Variants in CLNK observed in about 807,000 individuals in gnomAD.
CLNK encodes the protein cytokine dependent hematopoietic cell linker, also known as cytokine-dependent hematopoietic cell linker.
Under a neutral mutation model 68.6 loss-of-function variants are expected in CLNK, and 74 were observed. The ratio of observed to expected loss-of-function variants is 1.08; its 90% confidence interval spans 0.89 to 1.31. CLNK has a LOEUF of 1.31. Among genes scored for constraint, CLNK ranks in the 50% most tolerant of loss-of-function variants. The pLI is 0.00. For synonymous variants in CLNK, 198 were observed against 172.2 expected, an observed-to-expected ratio of 1.15 and a Z score of -1.17; for missense variants, 553 against 515.3, an observed-to-expected ratio of 1.07 and a Z score of -0.71.
At chr4:10,671,564 C>T (rs527345689) in intron 1 of CLNK, among the ~76,000 whole-genome samples, 45 of 152,248 alleles carry the variant, frequency 3.0e-4, no homozygotes, top group African/African-American at 1.0e-3. Context: ...TCTTAGCCAT[C>T]GTGCAAAGGA....
chr4:10,608,078 A>C (rs1721855825), intron 2 of CLNK, among the ~76,000 whole-genome samples: 1 of 152,218 alleles, frequency 6.6e-6, no homozygotes, highest in Non-Finnish European at 1.5e-5. Context: ...ATGTAACATG[A>C]CATGAGAACT....
chr4:10,523,619 C>T (rs75770539), intron 14 of CLNK, among the ~76,000 whole-genome samples: 21 of 56,186 alleles, frequency 3.7e-4, no homozygotes, highest in South Asian at 8.9e-4. Flanking sequence ...AACAAATAAA[C>T]AAAAGAAGTG....
intron 2 of CLNK, among the ~76,000 whole-genome samples, chr4:10,646,150 G>A (rs1723502046): frequency 6.6e-6 from 1 of 152,162 alleles, no homozygotes; most frequent in Non-Finnish European, 1.5e-5. Flanking sequence ...GTGTGGGTAT[G>A]TGAATTACCT....
At chr4:10,699,129 A>G in the CLNK span, among the ~76,000 whole-genome samples, 142,468 of 151,466 alleles carry the variant, frequency 0.94, 67,122 homozygotes, top group Non-Finnish European at 0.96. Context: ...GGCAGATCCT[A>G]GAACTTTCTC....
chr4:10,557,319 A>C, intron 8 of CLNK, among the ~76,000 whole-genome samples: 1 of 152,038 alleles, frequency 6.6e-6, no homozygotes, highest in East Asian at 1.9e-4. Flanking sequence ...GTAGGGACAC[A>C]CAGGGACTGC....
At chr4:10,564,104 CT>C (rs371222469) in intron 7 of CLNK, among the ~76,000 whole-genome samples, 190 of 135,762 alleles carry the variant, frequency 1.4e-3, no homozygotes, top group Middle Eastern at 3.8e-3. Context: ...TAGATTTTTT[CT>C]TTTTTTTTTT....
intron 1 of CLNK, among the ~76,000 whole-genome samples, chr4:10,670,005 T>C (rs1724567235): frequency 6.6e-6 from 1 of 152,240 alleles, no homozygotes. Flanking sequence ...CTCTGTTCAG[T>C]TCCAGTGCTG....
At chr4:10,542,091 G>A in intron 9 of CLNK, 50 bp from the exon 10 acceptor site, 2 of 1,457,136 alleles carry the variant, frequency 1.4e-6, no homozygotes, top group African/African-American at 1.4e-5. Flanking sequence ...CTGTGAGCAG[G>A]GCCAATGGCT....
At chr4:10,515,396 C>A (rs1020135456) in intron 15 of CLNK, among the ~76,000 whole-genome samples, 3 of 152,104 alleles carry the variant, frequency 2.0e-5, no homozygotes, top group African/African-American at 4.8e-5. Context: ...GTGTAATGAA[C>A]TCTGTTCCTT....
chr4:10,704,708 C>T, the CLNK span, among the ~76,000 whole-genome samples: 5 of 152,194 alleles, frequency 3.3e-5, no homozygotes, highest in Non-Finnish European at 7.3e-5. Flanking sequence ...TCAAGCCCCC[C>T]TGTGCTCAAC....
chr4:10,563,178 G>T (rs111878328), intron 7 of CLNK, among the ~76,000 whole-genome samples: 2 of 152,134 alleles, frequency 1.3e-5, no homozygotes, highest in African/African-American at 4.8e-5. Flanking sequence ...AAGTTAAACA[G>T]ACAATGAATA....
chr4:10,561,739 A>C (rs1719894552), intron 7 of CLNK, among the ~76,000 whole-genome samples: 1 of 152,216 alleles, frequency 6.6e-6, no homozygotes, highest in Non-Finnish European at 1.5e-5. Flanking sequence ...CCCTAGATGC[A>C]GATCTTGATG....
chr4:10,646,225 A>G (rs1410164407), intron 2 of CLNK, among the ~76,000 whole-genome samples: 1 of 152,152 alleles, frequency 6.6e-6, no homozygotes, highest in Non-Finnish European at 1.5e-5. Flanking sequence ...AAATATGTAA[A>G]ATTATTATAT....
chr4:10,685,444 A>G (rs1682641825), upstream of CLNK, among the ~76,000 whole-genome samples: 1 of 152,196 alleles, frequency 6.6e-6, no homozygotes, highest in Non-Finnish European at 1.5e-5. Context: ...TTGTAAATAA[A>G]GGCATGCAGT....
At chr4:10,558,680 G>T (rs58728006) in intron 7 of CLNK, among the ~76,000 whole-genome samples, 23,450 of 152,146 alleles carry the variant, frequency 0.15, 1,884 homozygotes, top group Middle Eastern at 0.18. Flanking sequence ...ACGTGGGATT[G>T]AGAACCAATC....
intron 13 of CLNK, 102 bp from the exon 14 acceptor site, chr4:10,526,024 C>A: frequency 1.5e-6 from 1 of 673,644 alleles, no homozygotes; most frequent in Non-Finnish European, 2.6e-6. Flanking sequence ...CAAGTAATCT[C>A]TGATTATTAG....
chr4:10,629,923 A>T (rs1310145957), intron 2 of CLNK, among the ~76,000 whole-genome samples: 2 of 152,160 alleles, frequency 1.3e-5, no homozygotes, highest in Admixed American at 1.3e-4. Flanking sequence ...AAATCTTTGA[A>T]AACGAAAATT....
At chr4:10,609,436 G>A (rs1030298901) in intron 2 of CLNK, among the ~76,000 whole-genome samples, 1 of 152,120 alleles carries the variant, frequency 6.6e-6, no homozygotes, top group South Asian at 2.1e-4. Context: ...TAAGGCCCTC[G>A]GTTCTCCATT....
the CLNK span, among the ~76,000 whole-genome samples, chr4:10,696,040 G>C: frequency 6.6e-6 from 1 of 152,190 alleles, no homozygotes; most frequent in South Asian, 2.1e-4. Context: ...ATTTTTAGTA[G>C]AGATGGGGTT....
Sources: gnomAD v4.1 joint callset for allele counts (sites outside exome capture counted in the v4.1 genomes callset) on GRCh38, gnomAD v4.1.1 for gene constraint, MANE v1.5 for transcripts, NCBI Gene and HGNC (gene_info 2026-07-23, HGNC 2026-07-21) for gene names.